Variants in EPS15 observed in about 807,000 individuals in gnomAD.
The protein encoded by EPS15 is epidermal growth factor receptor pathway substrate 15.
EPS15 carries 72 observed loss-of-function variants against 113.8 expected under a neutral mutation model. That is an observed-to-expected ratio of 0.63 (90% CI 0.52 to 0.77). EPS15 has a LOEUF of 0.77. Ranked by LOEUF, EPS15 falls within the 30% of genes least tolerant of loss-of-function variation. EPS15 has a pLI of 0.00. For missense variants in EPS15, 1,048 were observed against 1,045.8 expected, an observed-to-expected ratio of 1.00 and a Z score of -0.03; for synonymous variants, 344 against 363.4, an observed-to-expected ratio of 0.95 and a Z score of 0.61.
At chr1:51,499,310 G>A (rs1234788266) in intron 1 of EPS15, among the ~76,000 whole-genome samples, 1 of 152,136 alleles carries the variant, frequency 6.6e-6, no homozygotes, top group Non-Finnish European at 1.5e-5. Context: ...GTTGTAGCAT[G>A]TATGATAATT....
Position 51,448,085 on chromosome 1 carries a change from G to C in EPS15, c.612C>G (p.Ser204=). ...ATGGTGGCACCAAGGCTGGAGGCAA[G>C]GACATTGGCACAGGTTCTTTCTCCA... is the stretch of plus-strand genomic sequence containing the variant. ...CALEKEPVPM[S]LPPALVPPSK... The change falls in exon 9 of 25, where the codon TCC becomes TCG. Residue 204 remains serine (S), a synonymous_variant. Coordinates refer to ENST00000371733, the MANE Select transcript of EPS15 (RefSeq NM_001981.3). The C allele has an allele frequency of 6.2e-7, 1 of 1,613,748 alleles. No homozygotes were observed.
chr1:51,473,759 A>AT (rs1655408686), intron 2 of EPS15, among the ~76,000 whole-genome samples: 1 of 152,194 alleles, frequency 6.6e-6, no homozygotes, highest in Admixed American at 6.6e-5. Flanking sequence ...TAGTTAAAAG[A>AT]TTAAGTTTAC....
At chr1:51,458,192 T>TC (rs1391112869) in intron 8 of EPS15, 2 of 152,230 alleles carry the variant, frequency 1.3e-5, no homozygotes, top group East Asian at 3.9e-4. Context: ...ACAAAATGGT[T>TC]AACAAGTAAA....
intron 2 of EPS15, among the ~76,000 whole-genome samples, chr1:51,474,409 T>C (rs1655455351): frequency 6.6e-6 from 1 of 152,212 alleles, no homozygotes; most frequent in Non-Finnish European, 1.5e-5. Context: ...CAGACCATAT[T>C]GGTAGATGAA....
At chr1:51,399,248 C>A in intron 19 of EPS15, 83 bp from the exon 20 acceptor site, 2 of 1,347,616 alleles carry the variant, frequency 1.5e-6, no homozygotes, top group Non-Finnish European at 1.0e-6. Context: ...TGATCAGTGC[C>A]TTAATTAAAA....
At chr1:51,468,080 T>TC in intron 5 of EPS15, among the ~76,000 whole-genome samples, 1 of 152,044 alleles carries the variant, frequency 6.6e-6, no homozygotes. Context: ...CATCTCAGCC[T>TC]CCCAAGTAGC....
chr1:51,476,766 G>A (rs1425358443), intron 2 of EPS15, among the ~76,000 whole-genome samples: 2 of 152,052 alleles, frequency 1.3e-5, no homozygotes, highest in Non-Finnish European at 2.9e-5. Context: ...TTTATTGATT[G>A]CATATGTTGA....
chr1:51,459,155 A>G (rs2148497028), intron 8 of EPS15: 1 of 152,316 alleles, frequency 6.6e-6, no homozygotes, highest in East Asian at 1.9e-4. Context: ...AAATCTAAGG[A>G]AGGGCCAAAA....
intron 13 of EPS15, among the ~76,000 whole-genome samples, chr1:51,421,226 T>C (rs1650721444): frequency 1.3e-5 from 2 of 152,140 alleles, no homozygotes; most frequent in South Asian, 4.1e-4. Context: ...CAACACCTAA[T>C]GAAAATGAAC....
intron 12 of EPS15, among the ~76,000 whole-genome samples, chr1:51,424,669 C>T (rs184525111): frequency 2.0e-4 from 30 of 151,978 alleles, no homozygotes; most frequent in Non-Finnish European, 3.2e-4. Flanking sequence ...TTTGGGAGGC[C>T]GAGGTGGATG....
chr1:51,359,765 A>T (rs1051157884), intron 24 of EPS15, among the ~76,000 whole-genome samples: 3 of 151,962 alleles, frequency 2.0e-5, no homozygotes, highest in Non-Finnish European at 4.4e-5. Flanking sequence ...AAAAAAAAAA[A>T]TCAGTATAAT....
chr1:51,471,901 T>C lies in EPS15; in HGVS notation c.166-164A>G, dbSNP rs192758813. On this transcript the variant is annotated intron_variant, in intron 3 of 24. Transcript: ENST00000371733. Reference sequence around the variant, plus strand: ...CCCTTAAAGATCATTTAGTGCAAACTTGTCCAACTTGCAGCCCACAGGCCA... The same window carrying C: ...CCCTTAAAGATCATTTAGTGCAAACCTGTCCAACTTGCAGCCCACAGGCCA... Among the ~76,000 whole-genome samples, 17 of 152,288 alleles carry C rather than the reference T, an allele frequency of 1.1e-4. No homozygotes were observed. In the East Asian group the frequency reaches 2.3e-3, roughly 21 times the overall value.
At position 51,445,054 on chromosome 1, in the gene EPS15, A is replaced by T. The variant is rs889852234; in HGVS notation, c.798-9T>A. 1 of 1,609,708 alleles carries T rather than the reference A, an allele frequency of 6.2e-7. No individual in the cohort carries two copies. Among genetic ancestry groups the T allele is most frequent in the Non-Finnish European group, 8.5e-7 (1 of 1,177,646 alleles). ...TTGTGTCGCATAATGACCTGCACAA[A>T]TAAACAAAATGAATGGTATGTAAGT... On this transcript the variant is annotated splice_polypyrimidine_tract_variant and intron_variant, in intron 10 of 24. Coordinates refer to ENST00000371733, the MANE Select transcript of EPS15 (RefSeq NM_001981.3).
At chr1:51,446,744 C>T (rs150480138) in intron 10 of EPS15, among the ~76,000 whole-genome samples, 2,933 of 152,278 alleles carry the variant, frequency 0.019, 47 homozygotes, top group Non-Finnish European at 0.031. Flanking sequence ...CGTGAGCCAC[C>T]ATGCCCAGCG....
intron 21 of EPS15, among the ~76,000 whole-genome samples, chr1:51,374,106 C>A (rs1368538837): frequency 1.3e-5 from 2 of 152,098 alleles, no homozygotes; most frequent in African/African-American, 4.8e-5. Context: ...AAAGGAAAAC[C>A]TACTGGGTAT....
intron 1 of EPS15, among the ~76,000 whole-genome samples, chr1:51,506,465 CAT>C (rs1644500713): frequency 6.6e-6 from 1 of 152,038 alleles, no homozygotes; most frequent in Non-Finnish European, 1.5e-5. Context: ...CATAAGTGCT[CAT>C]GTCAATTATA....
chr1:51,376,555 T>C (rs1646804683), intron 21 of EPS15, among the ~76,000 whole-genome samples: 2 of 152,102 alleles, frequency 1.3e-5, no homozygotes, highest in Non-Finnish European at 1.5e-5. Flanking sequence ...TCCCAGCTAC[T>C]TGGGAGGCTG....
In EPS15 at chr1:51,406,404, G is replaced by C. The variant is rs1649134034; in HGVS notation, c.1474-296C>G. On this transcript the variant is annotated intron_variant, in intron 15 of 24. Coordinates refer to ENST00000371733, the MANE Select transcript of EPS15 (RefSeq NM_001981.3). ...GATGGGAGGATCACTTGAGCCCAGA[G>C]GTCAAGGCTGCAGTGAGCCATGATC... is the stretch of plus-strand genomic sequence containing the variant. 2.0e-5 allele frequency among the ~76,000 whole-genome samples: 3 copies of C among 152,130 alleles called. No homozygotes were observed. The South Asian group carries it at 6.2e-4, about 32-fold the overall frequency.
At chr1:51,498,871 A>G (rs1324550472) in intron 1 of EPS15, among the ~76,000 whole-genome samples, 1 of 152,162 alleles carries the variant, frequency 6.6e-6, no homozygotes, top group Non-Finnish European at 1.5e-5. Flanking sequence ...TCTCCAATGC[A>G]ATAGTATTAA....
Sources: gnomAD v4.1 joint callset for allele counts (sites outside exome capture counted in the v4.1 genomes callset) on GRCh38, gnomAD v4.1.1 for gene constraint, MANE v1.5 for transcripts, NCBI Gene and HGNC (gene_info 2026-07-23, HGNC 2026-07-21) for gene names.